Variants in TDRD9 observed in about 807,000 individuals in gnomAD.
TDRD9 encodes the protein ATP-dependent RNA helicase TDRD9.
A neutral mutation model predicts 172.6 loss-of-function variants in TDRD9; 124 were observed. The observed-to-expected ratio is 0.72, with a 90% CI of 0.62 to 0.83. TDRD9 has a LOEUF of 0.83. Among genes scored for constraint, TDRD9 ranks in the 40% least tolerant of loss-of-function variants. The pLI, the probability that TDRD9 is intolerant of heterozygous loss-of-function variation, is 0.00. For synonymous variants in TDRD9, 619 were observed against 617.1 expected (o/e 1.00, Z -0.05); for missense variants, 1,479 against 1,714.1 (o/e 0.86, Z 2.42).
intron 1 of TDRD9, chr14:103,940,711 G>T: frequency 1.2e-6 from 1 of 818,546 alleles, no homozygotes; most frequent in Non-Finnish European, 1.9e-6. Flanking sequence ...TACTGACCTT[G>T]TAACAAAGAA....
intron 21 of TDRD9, among the ~76,000 whole-genome samples, 175 bp downstream of exon 21, chr14:104,015,016 T>A (rs1385219371): frequency 6.6e-6 from 1 of 152,228 alleles, no homozygotes; most frequent in Non-Finnish European, 1.5e-5. Flanking sequence ...TTTCATAGTT[T>A]GCATTATTTG....
intron 1 of TDRD9, among the ~76,000 whole-genome samples, chr14:103,944,719 C>G (rs1179302067): frequency 6.6e-6 from 1 of 152,048 alleles, no homozygotes; most frequent in Admixed American, 6.6e-5. Flanking sequence ...GCGTGCACCA[C>G]CACACTCAGC....
chr14:104,048,415 C>A (rs952887183), intron 34 of TDRD9, among the ~76,000 whole-genome samples: 1 of 152,030 alleles, frequency 6.6e-6, no homozygotes, highest in Admixed American at 6.6e-5. Flanking sequence ...GTTTTGTTTT[C>A]TTTATTCTTA....
chr14:104,020,266 C>T (rs749215988), intron 23 of TDRD9, among the ~76,000 whole-genome samples: 7 of 152,100 alleles, frequency 4.6e-5, no homozygotes, highest in South Asian at 2.1e-4. Flanking sequence ...GAGTAGAAGC[C>T]GGCCTGGAGT....
intron 31 of TDRD9, 130 bp downstream of exon 31, chr14:104,034,199 T>C: frequency 7.2e-6 from 4 of 558,618 alleles, no homozygotes; most frequent in Non-Finnish European, 1.2e-5. Flanking sequence ...TTTTCTTTTT[T>C]TTTTTTTTTG....
At chr14:103,956,103 AAAAAAAAAATATAT>A (rs1337473133) in intron 2 of TDRD9, among the ~76,000 whole-genome samples, 5 of 50,254 alleles carry the variant, frequency 9.9e-5, no homozygotes, top group Non-Finnish European at 1.8e-4. Context: ...AAAAAAAAAA[AAAAAAAAAATATAT>A]ATATATATAT....
At chr14:104,045,077 A>T in intron 34 of TDRD9, among the ~76,000 whole-genome samples, 1 of 151,656 alleles carries the variant, frequency 6.6e-6, no homozygotes, top group East Asian at 1.9e-4. Flanking sequence ...CAGGAGGCGG[A>T]GGTTGCAGTG....
intron 13 of TDRD9, among the ~76,000 whole-genome samples, 187 bp downstream of exon 13, chr14:103,998,915 C>G (rs2034157841): frequency 6.6e-6 from 1 of 152,064 alleles, no homozygotes; most frequent in Non-Finnish European, 1.5e-5. Context: ...GCCTCAGCCT[C>G]CCGAGTTGCT....
rs1233265320 is a variant in TDRD9 at position 104,005,344 on chromosome 14, C to T, written c.1652C>T (p.Ala551Val). ...LDMGEPRALL[A>V]TALSPPGLSD... The stretch of plus-strand genomic sequence containing the variant: ...ATGGGTGAGCCGAGAGCTCTGCTGG[C>T]CACTGCCCTTTCCCCGCCTGGTCTG... The change falls in exon 15 of 36, where the codon GCC becomes GTC. Residue 551 changes from alanine to valine, a missense_variant. Around this residue, in one of 3 missense-constraint regions of TDRD9, gnomAD observed 1,413 missense variants for 1,649.1 expected, o/e 0.86. Coordinates refer to ENST00000409874, the MANE Select transcript of TDRD9 (RefSeq NM_153046.3). The T allele has an allele frequency of 1.2e-6, 2 of 1,613,822 alleles. No individual in the cohort carries two copies. The highest frequency in any genetic ancestry group is 1.7e-6 in the Non-Finnish European group (2 of 1,179,854).
At chr14:103,987,123 T>TATACACACAC (rs1167102708) in intron 8 of TDRD9, among the ~76,000 whole-genome samples, 136 of 145,790 alleles carry the variant, frequency 9.3e-4, no homozygotes, top group African/African-American at 3.4e-3. Flanking sequence ...AAAAAATATA[T>TATACACACAC]ACACACACAC....
rs781591019 is a variant in TDRD9, at chr14:104,026,724, CTT to C, written c.3068_3069del (p.Leu1023ArgfsTer8). On this transcript the variant is annotated frameshift_variant, in exon 28 of 36. Coordinates refer to ENST00000409874, the MANE Select transcript of TDRD9 (RefSeq NM_153046.3). LOFTEE classifies it high-confidence loss of function. ...ICKMRPSAKS[L>X]VCGKHWSDGA... Reference sequence around the variant, plus strand: ...CAAAATGAGACCATCAGCAAAGTCTCTTGTTTGTGGCAAGCACTGGAGTGACG... The same window carrying C: ...CAAAATGAGACCATCAGCAAAGTCTCGTTTGTGGCAAGCACTGGAGTGACG... The C allele has an allele frequency of 2.5e-6, 4 of 1,613,878 alleles. No individual in the cohort carries two copies. In the African/African-American group the frequency reaches 5.3e-5, roughly 22 times the overall value.
intron 1 of TDRD9, among the ~76,000 whole-genome samples, chr14:103,938,432 A>ATTTTTTTTTT (rs1343962171): frequency 1.9e-4 from 7 of 37,166 alleles, no homozygotes; most frequent in Admixed American, 7.3e-4. Context: ...ATATATATAT[A>ATTTTTTTTTT]TATATATATT....
chr14:104,002,333 A>G (rs994060836), intron 13 of TDRD9, among the ~76,000 whole-genome samples: 4 of 151,706 alleles, frequency 2.6e-5, no homozygotes, highest in East Asian at 1.9e-4. Context: ...AAAAAAAAAA[A>G]AAAAGAAAAA....
At chr14:103,968,944 CA>C (rs71126093) in intron 5 of TDRD9, among the ~76,000 whole-genome samples, 37,615 of 148,112 alleles carry the variant, frequency 0.25, 4,963 homozygotes, top group Non-Finnish European at 0.31. Context: ...ACTAAAAATA[CA>C]AAAAATTAGC....
intron 20 of TDRD9, among the ~76,000 whole-genome samples, chr14:104,011,258 T>C (rs1185434193): frequency 2.0e-5 from 3 of 152,194 alleles, no homozygotes; most frequent in Admixed American, 1.3e-4. Flanking sequence ...TCCCAAAACA[T>C]TGCTCGGTTC....
intron 34 of TDRD9, among the ~76,000 whole-genome samples, chr14:104,046,153 C>T (rs1040261674): frequency 1.3e-5 from 2 of 152,136 alleles, no homozygotes; most frequent in African/African-American, 2.4e-5. Flanking sequence ...GATGGGGTTT[C>T]ACCATGTTGG....
At chr14:104,038,484 G>A (rs967009388) in intron 32 of TDRD9, among the ~76,000 whole-genome samples, 4 of 152,152 alleles carry the variant, frequency 2.6e-5, no homozygotes, top group South Asian at 2.1e-4. Context: ...CAATGTTGGG[G>A]CCTCCAGCTG....
intron 30 of TDRD9, among the ~76,000 whole-genome samples, chr14:104,033,200 G>A (rs887576554): frequency 1.3e-5 from 2 of 152,104 alleles, no homozygotes; most frequent in African/African-American, 2.4e-5. Flanking sequence ...AATGTCTTCC[G>A]GGGAGCACAT....
At chr14:104,020,589 TGC>T (rs2034923407) in intron 23 of TDRD9, among the ~76,000 whole-genome samples, 1 of 152,068 alleles carries the variant, frequency 6.6e-6, no homozygotes, top group African/African-American at 2.4e-5. Flanking sequence ...GGAAAATGCG[TGC>T]ATTTATGAGT....
Sources: gnomAD v4.1 joint callset for allele counts (sites outside exome capture counted in the v4.1 genomes callset) on GRCh38, gnomAD v4.1.1 for gene constraint, gnomAD v4.1.1 regional missense constraint, MANE v1.5 for transcripts, NCBI Gene and HGNC (gene_info 2026-07-23, HGNC 2026-07-21) for gene names.